The following MICAL3 variants were observed in gnomAD, a reference collection of about 807,000 sequenced individuals.
MICAL3 encodes the protein microtubule associated monooxygenase, calponin and LIM domain containing 3, also known as [F-actin]-monooxygenase MICAL3.
In MICAL3, 62 loss-of-function variants were observed where a neutral mutation model predicts 207.4. The observed-to-expected ratio is 0.30, with a 90% CI of 0.24 to 0.37. The LOEUF is 0.37. Ranked by LOEUF, MICAL3 falls within the 10% of genes least tolerant of loss-of-function variation. The pLI, the probability that MICAL3 is intolerant of heterozygous loss-of-function variation, is 1.00. For missense variants in MICAL3, 2,368 were observed against 2,635.6 expected (o/e 0.90, Z 2.22); for synonymous variants, 1,077 against 1,069.3 (o/e 1.01, Z -0.14).
In MICAL3 at chr22:17,975,238, C is replaced by T. The variant is rs187393890; in HGVS notation, c.-75+49043G>A. The stretch of plus-strand genomic sequence containing the variant: ...GTCAAGCTGCAGTCACCACAATCAT[C>T]GTGTGATGGGAAGTGGCTCTACTCA... On this transcript the variant is annotated intron_variant, in intron 1 of 31. Transcript: ENST00000441493. 1.2e-3 allele frequency among the ~76,000 whole-genome samples: 183 copies of T among 152,258 alleles called. 1 individual carries two copies. The highest frequency in any genetic ancestry group is 0.01 in the Middle Eastern group (3 of 294).
chr22:17,968,483 G>A (rs1337682532), intron 1 of MICAL3, among the ~76,000 whole-genome samples: 4 of 152,124 alleles, frequency 2.6e-5, no homozygotes, highest in East Asian at 1.9e-4. Context: ...ACCCTGGCTC[G>A]GGCAAGCTTC....
chr22:17,829,124 G>T (rs1034114311), intron 21 of MICAL3, among the ~76,000 whole-genome samples: 5 of 151,226 alleles, frequency 3.3e-5, no homozygotes, highest in African/African-American at 1.2e-4. Context: ...AGATGTTGCT[G>T]GTCTCTATAG....
Position 17,818,006 on chromosome 22 carries a change from C to T in MICAL3, c.4655G>A (p.Arg1552His), listed in dbSNP as rs548921349. 25 of 1,612,228 alleles carry T rather than the reference C, an allele frequency of 1.6e-5. No individual in the cohort carries two copies. In the East Asian group the frequency reaches 1.8e-4, roughly 11 times the overall value. ...KFFTPPSCWP[R>H]PEKPRHPPLA... is the part of the protein sequence containing the mutation. ...GGGCGGGTGGCGAGGCTTCTCGGGG[C>T]GCGGCCAGCAGGACGGGGGCGTGAA... The change falls in exon 26 of 32, where the codon CGC becomes CAC. Residue 1552 changes from arginine to histidine, a missense_variant. Physicochemically the swap from Arg to His is conservative, Grantham distance 29. Around this residue, in one of 4 missense-constraint regions of MICAL3, gnomAD observed 1,770 missense variants for 1,863.2 expected, o/e 0.95. Coordinates refer to ENST00000441493, the MANE Select transcript of MICAL3 (RefSeq NM_015241.3).
At chr22:17,849,643 AATGTGTGTGTGTGTGTGTGT>A (rs1363008499) in intron 19 of MICAL3, among the ~76,000 whole-genome samples, 6 of 120,234 alleles carry the variant, frequency 5.0e-5, no homozygotes, top group East Asian at 2.7e-4. Flanking sequence ...CCCAGAATGG[AATGTGTGTGTGTGTGTGTGT>A]GTGTGTGTGT....
At chr22:17,926,994 C>T (rs950602321) in intron 1 of MICAL3, among the ~76,000 whole-genome samples, 2 of 152,074 alleles carry the variant, frequency 1.3e-5, no homozygotes, top group Non-Finnish European at 2.9e-5. Flanking sequence ...GTATTAAATC[C>T]ATTCACAATG....
rs755791020 is a variant in MICAL3 at position 17,933,271 on chromosome 22, C to T, written c.-74-26385G>A. Among the ~76,000 whole-genome samples the T allele has an allele frequency of 4.6e-5, 7 of 152,232 alleles. 1 individual carries two copies. The highest frequency in any genetic ancestry group is 2.6e-4 in the Admixed American group (4 of 15,284). On this transcript the variant is annotated intron_variant, in intron 1 of 31. Transcript: ENST00000441493. ...AAGAACAGAAATCACAACAAACTGT[C>T]TCTCAGACAACAGTGCAATCAAATT...
intron 27 of MICAL3, chr22:17,812,432 G>T: frequency 1.3e-6 from 1 of 773,352 alleles, no homozygotes; most frequent in Non-Finnish European, 1.6e-6. Context: ...GTGGCTGGAG[G>T]GCCGGGGCCG....
chr22:17,928,166 G>A (rs753765956), intron 1 of MICAL3, among the ~76,000 whole-genome samples: 2 of 152,104 alleles, frequency 1.3e-5, no homozygotes, highest in African/African-American at 2.4e-5. Flanking sequence ...TGGGCCGGGC[G>A]CGGTGGCTCA....
chr22:17,801,145 TTTC>T (rs1234601545), intron 29 of MICAL3, among the ~76,000 whole-genome samples: 2 of 108,296 alleles, frequency 1.8e-5, no homozygotes, highest in Admixed American at 8.3e-5. Context: ...GAGTTTCCTT[TTTC>T]TTTTTTTTTT....
intron 1 of MICAL3, among the ~76,000 whole-genome samples, chr22:17,984,014 T>A (rs1039961965): frequency 6.6e-6 from 1 of 152,190 alleles, no homozygotes; most frequent in Non-Finnish European, 1.5e-5. Context: ...TAGGAACTCG[T>A]GTACTATTCT....
chr22:17,891,580 A>T lies in MICAL3; in HGVS notation c.1599T>A (p.Asp533Glu). The T allele has an allele frequency of 8.1e-6, 13 of 1,614,010 alleles. No individual in the cohort carries two copies. Among genetic ancestry groups the T allele is most frequent in the Non-Finnish European group, 1.1e-5 (13 of 1,179,880 alleles). Reference sequence around the variant, plus strand: ...CTGTCACGTTTACCCCTGCATAGCCATCTGTCTGCCTCTGGCACCAACCCA... The same window carrying T: ...CTGTCACGTTTACCCCTGCATAGCCTTCTGTCTGCCTCTGGCACCAACCCA... ...KLLGWCQRQT[D>E]GYAGVNVTDL... The change falls in exon 12 of 32, where the codon GAT becomes GAA. Residue 533 changes from aspartate to glutamate, a missense_variant. Coordinates refer to ENST00000441493, the MANE Select transcript of MICAL3 (RefSeq NM_015241.3).
chr22:17,819,238 G>T, intron 25 of MICAL3, 109 bp from the exon 26 acceptor site: 1 of 1,143,698 alleles, frequency 8.7e-7, no homozygotes, highest in Non-Finnish European at 1.2e-6. Context: ...CCTGCTGCAG[G>T]ACTTCCCCGT....
chr22:17,816,735 G>A lies in MICAL3; in HGVS notation c.5400C>T (p.Ser1800=). The A allele has an allele frequency of 1.3e-6, 2 of 1,552,542 alleles. No individual in the cohort carries two copies. The highest frequency in any genetic ancestry group is 1.7e-6 in the Non-Finnish European group (2 of 1,147,800). The change falls in exon 27 of 32, where the codon TCC becomes TCT. Residue 1800 remains serine (S), a synonymous_variant. Transcript: ENST00000441493. ...QLSFSEDSDL[S]SDDVLEKSSQ... ...AGGACTTCTCAAGGACATCGTCGCT[G>A]GAGAGGTCTGAGTCCTCGGAGAAGC...
intron 20 of MICAL3, among the ~76,000 whole-genome samples, chr22:17,837,281 C>T (rs1306767171): frequency 6.6e-6 from 1 of 152,230 alleles, no homozygotes; most frequent in East Asian, 1.9e-4. Context: ...AGGGAGCGGC[C>T]TTCTCCCACT....
At chr22:17,837,592 C>T (rs1380854585) in intron 20 of MICAL3, among the ~76,000 whole-genome samples, 1 of 152,214 alleles carries the variant, frequency 6.6e-6, no homozygotes, top group East Asian at 1.9e-4. Flanking sequence ...GCCCACTGGC[C>T]TTTCCAGTGA....
Position 17,932,689 on chromosome 22 carries a change from AAT to A in MICAL3, c.-74-25805_-74-25804del, listed in dbSNP as rs552738829. Reference sequence around the variant, plus strand: ...TTAAAAGACACAGACTGGCAAATTGAATAGAGTCAAGACCCATCAGTGTGCTG... The same window carrying A: ...TTAAAAGACACAGACTGGCAAATTGAAGAGTCAAGACCCATCAGTGTGCTG... On this transcript the variant is annotated intron_variant, in intron 1 of 31. Coordinates refer to ENST00000441493, the MANE Select transcript of MICAL3 (RefSeq NM_015241.3). 8.6e-3 allele frequency among the ~76,000 whole-genome samples: 1,304 copies of A among 152,308 alleles called. 17 individuals are homozygous for A. Among genetic ancestry groups the A allele is most frequent in the African/African-American group, 0.029 (1,219 of 41,564 alleles).
chr22:17,930,206 G>A (rs369429725), intron 1 of MICAL3, among the ~76,000 whole-genome samples: 4 of 152,208 alleles, frequency 2.6e-5, no homozygotes, highest in East Asian at 1.9e-4. Flanking sequence ...CAGACAATGC[G>A]CGTGGTGAAC....
chr22:17,861,971 A>G, intron 19 of MICAL3: 1 of 985,434 alleles, frequency 1.0e-6, no homozygotes. Context: ...TTTGGCATAA[A>G]AAGAAAAAGA....
Position 17,889,024 on chromosome 22 carries a change from C to CA in MICAL3, c.1891+9dup, listed in dbSNP as rs753933729. 1 of 1,588,924 alleles carries CA rather than the reference C, an allele frequency of 6.3e-7. No individual in the cohort carries two copies. The highest frequency in any genetic ancestry group is 8.6e-7 in the Non-Finnish European group (1 of 1,161,432). On this transcript the variant is annotated intron_variant, in intron 13 of 31. Transcript: ENST00000441493. ...CAGGGGGCCGCAAAGCAGCTCCTTC[C>CA]AGGCCTTACCGCTAGAGGGGAGGGA...
Sources: gnomAD v4.1 joint callset for allele counts (sites outside exome capture counted in the v4.1 genomes callset) on GRCh38, gnomAD v4.1.1 for gene constraint, gnomAD v4.1.1 regional missense constraint, MANE v1.5 for transcripts, NCBI Gene and HGNC (gene_info 2026-07-23, HGNC 2026-07-21) for gene names.